KCNIP4: variants seen among roughly 807,000 people sequenced by gnomAD.
KCNIP4 encodes the protein Kv channel-interacting protein 4.
KCNIP4 carries 12 observed loss-of-function variants against 34.0 expected under a neutral mutation model. The ratio of observed to expected loss-of-function variants is 0.35; its 90% CI spans 0.23 to 0.57. The LOEUF is 0.57. Ranked by LOEUF, KCNIP4 falls within the 20% of genes least tolerant of loss-of-function variation. The pLI is 0.83. For missense variants in KCNIP4, 238 were observed against 311.7 expected, an observed-to-expected ratio of 0.76 and a Z score of 1.78; for synonymous variants, 124 against 102.2, an observed-to-expected ratio of 1.21 and a Z score of -1.29.
chr4:21,645,050 T>A (rs2109243918), intron 1 of KCNIP4, among the ~76,000 whole-genome samples: 1 of 152,350 alleles, frequency 6.6e-6, no homozygotes, highest in Admixed American at 6.5e-5. Flanking sequence ...TTACCTTCTT[T>A]ATTCACAGAA....
intron 1 of KCNIP4, among the ~76,000 whole-genome samples, chr4:21,318,036 T>C (rs541883472): frequency 2.0e-5 from 3 of 152,282 alleles, no homozygotes; most frequent in Admixed American, 2.0e-4. Flanking sequence ...TGTCTTTAAA[T>C]CCGATTTATA....
At chr4:20,850,452 C>A in intron 3 of KCNIP4, 91 bp downstream of exon 3, 1 of 1,349,184 alleles carries the variant, frequency 7.4e-7, no homozygotes, top group Non-Finnish European at 1.0e-6. Context: ...ATGGGGCTCT[C>A]ATAGAATGGG....
chr4:21,061,843 G>A (rs774495555), intron 1 of KCNIP4, among the ~76,000 whole-genome samples: 5 of 152,084 alleles, frequency 3.3e-5, no homozygotes, highest in Non-Finnish European at 7.4e-5. Flanking sequence ...TTTAGGGTAA[G>A]CCCTAATTTA....
At chr4:21,434,409 G>T (rs1002278677) in intron 1 of KCNIP4, among the ~76,000 whole-genome samples, 40 of 152,138 alleles carry the variant, frequency 2.6e-4, no homozygotes, top group African/African-American at 9.4e-4. Context: ...TAAGGTTTTA[G>T]AATTTGAACT....
intron 1 of KCNIP4, among the ~76,000 whole-genome samples, chr4:20,901,520 C>A (rs1727151867): frequency 6.6e-6 from 1 of 152,110 alleles, no homozygotes; most frequent in Non-Finnish European, 1.5e-5. Flanking sequence ...GGAATGCCTG[C>A]TTTTGGAATC....
At chr4:21,873,841 T>C (rs1168650002) in intron 1 of KCNIP4, among the ~76,000 whole-genome samples, 1 of 152,220 alleles carries the variant, frequency 6.6e-6, no homozygotes, top group Non-Finnish European at 1.5e-5. Flanking sequence ...AGCAGGCTTC[T>C]AAACAACAGA....
At chr4:21,106,322 G>T (rs1274258240) in intron 1 of KCNIP4, among the ~76,000 whole-genome samples, 11 of 151,558 alleles carry the variant, frequency 7.3e-5, no homozygotes, top group Non-Finnish European at 1.5e-4. Context: ...TTTAGTCTTG[G>T]GAGGAGGGTG....
At chr4:21,871,998 G>A (rs1725850298) in intron 1 of KCNIP4, among the ~76,000 whole-genome samples, 2 of 151,910 alleles carry the variant, frequency 1.3e-5, no homozygotes, top group African/African-American at 4.8e-5. Flanking sequence ...TTTAACAAGT[G>A]TCTGAATAAT....
At chr4:20,808,773 A>T (rs1307890373) in intron 3 of KCNIP4, among the ~76,000 whole-genome samples, 1 of 152,186 alleles carries the variant, frequency 6.6e-6, no homozygotes, top group African/African-American at 2.4e-5. Context: ...TCTATTAAAT[A>T]GGTACACATG....
chr4:21,745,260 C>G (rs1411625728), intron 1 of KCNIP4, among the ~76,000 whole-genome samples: 2 of 152,170 alleles, frequency 1.3e-5, no homozygotes, highest in Non-Finnish European at 2.9e-5. Flanking sequence ...TTGCTTTCAT[C>G]TTGCAAGACA....
Position 20,758,879 on chromosome 4 carries a change from A to G in KCNIP4, c.300T>C (p.Ser100=). 6.2e-7 allele frequency: 1 copy of G among 1,613,070 alleles called. No individual in the cohort carries two copies. The highest frequency in any genetic ancestry group is 8.5e-7 in the Non-Finnish European group (1 of 1,179,308). The change falls in exon 4 of 9, where the codon AGT becomes AGC. Residue 100 remains serine, a synonymous_variant. Coordinates refer to ENST00000382152, the MANE Select transcript of KCNIP4 (RefSeq NM_025221.6). ...LYRGFKNECP[S]GVVNEETFKE... is the part of the protein sequence containing the mutation. ...TGAAGGTTTCTTCATTAACAACACC[A>G]CTGGGGCATTCCTAGGGAAAGTGGC...
intron 3 of KCNIP4, among the ~76,000 whole-genome samples, chr4:20,830,451 A>C (rs1422210735): frequency 3.3e-5 from 5 of 151,992 alleles, no homozygotes; most frequent in African/African-American, 1.2e-4. Flanking sequence ...TCTTTCTTAT[A>C]CCTTCTGCAT....
intron 1 of KCNIP4, among the ~76,000 whole-genome samples, chr4:20,924,335 A>G (rs189421623): frequency 6.6e-6 from 1 of 152,296 alleles, no homozygotes; most frequent in Admixed American, 6.5e-5. Flanking sequence ...AATCCTCTCA[A>G]TGGTGGTACC....
At chr4:20,740,562 C>G (rs1750820342) in intron 5 of KCNIP4, among the ~76,000 whole-genome samples, 1 of 152,174 alleles carries the variant, frequency 6.6e-6, no homozygotes, top group South Asian at 2.1e-4. Flanking sequence ...CTTACAAGAG[C>G]TTCTGAAGGA....
intron 1 of KCNIP4, among the ~76,000 whole-genome samples, chr4:21,176,718 AC>A (rs1754437585): frequency 2.0e-5 from 3 of 152,160 alleles, no homozygotes; most frequent in African/African-American, 7.2e-5. Context: ...ACAGGGTTTC[AC>A]CATGTTGCTC....
intron 1 of KCNIP4, among the ~76,000 whole-genome samples, chr4:21,711,556 A>T (rs1713731508): frequency 6.6e-6 from 1 of 152,226 alleles, no homozygotes; most frequent in Admixed American, 6.5e-5. Context: ...TATTTAGAAT[A>T]TAAAACTAAA....
intron 1 of KCNIP4, among the ~76,000 whole-genome samples, chr4:21,557,474 T>C (rs776737983): frequency 2.6e-5 from 4 of 152,164 alleles, no homozygotes; most frequent in Non-Finnish European, 4.4e-5. Context: ...TCATGACTTC[T>C]GTAATATTTT....
Position 20,749,542 on chromosome 4 carries a change from G to A in KCNIP4, c.429+120C>T, listed in dbSNP as rs546489915. 61 of 583,660 alleles carry A rather than the reference G, an allele frequency of 1.0e-4. 1 individual carries two copies. In the East Asian group the frequency reaches 1.7e-3, roughly 16 times the overall value. 36.2% of individuals were successfully genotyped at this position (583,660 alleles called of 1,614,324 possible). On this transcript the variant is annotated intron_variant, in intron 5 of 8. Transcript: ENST00000382152. ...ATTTTTGGCAATTACATGAGAGAAA[G>A]GGAGTGTCCTTGGGCTTTCTTTCCC...
At chr4:21,068,517 G>A (rs945393717) in intron 1 of KCNIP4, among the ~76,000 whole-genome samples, 2 of 151,928 alleles carry the variant, frequency 1.3e-5, no homozygotes, top group Admixed American at 6.6e-5. Flanking sequence ...TTCTTCTAAT[G>A]TCTCAATGAT....
Sources: gnomAD v4.1 joint callset for allele counts (sites outside exome capture counted in the v4.1 genomes callset) on GRCh38, gnomAD v4.1.1 for gene constraint, MANE v1.5 for transcripts, NCBI Gene and HGNC (gene_info 2026-07-23, HGNC 2026-07-21) for gene names.